The following CAMK2D variants were observed in gnomAD, a reference collection of about 807,000 sequenced individuals.
CAMK2D encodes the protein calcium/calmodulin-dependent protein kinase type II subunit delta.
Under a neutral mutation model 84.0 loss-of-function variants are expected in CAMK2D, and 37 were observed. The observed-to-expected ratio is 0.44, with a 90% CI of 0.34 to 0.58. CAMK2D has a LOEUF of 0.58. Ranked by LOEUF, CAMK2D falls within the 20% of genes least tolerant of loss-of-function variation. The pLI is 0.02. For missense variants in CAMK2D, 448 were observed against 652.5 expected (o/e 0.69, Z 3.41); for synonymous variants, 202 against 212.5 (o/e 0.95, Z 0.43).
At chr4:113,685,042 T>C (rs1160661588) in intron 2 of CAMK2D, among the ~76,000 whole-genome samples, 2 of 152,114 alleles carry the variant, frequency 1.3e-5, no homozygotes, top group African/African-American at 4.8e-5. Context: ...TCTTTGTTGA[T>C]TCTCTTTAGT....
chr4:113,615,104 G>A (rs2099015967), intron 3 of CAMK2D, among the ~76,000 whole-genome samples: 1 of 151,958 alleles, frequency 6.6e-6, no homozygotes, highest in Non-Finnish European at 1.5e-5. Flanking sequence ...TCACATACTG[G>A]GATGCAAAAA....
chr4:113,493,408 G>T (rs373675151), intron 16 of CAMK2D, among the ~76,000 whole-genome samples: 4 of 151,340 alleles, frequency 2.6e-5, no homozygotes, highest in Non-Finnish European at 4.4e-5. Context: ...ATGAAGCTTA[G>T]TTTGGCTGGA....
At chr4:113,485,388 A>G (rs17046101) in intron 16 of CAMK2D, among the ~76,000 whole-genome samples, 4,444 of 152,294 alleles carry the variant, frequency 0.029, 218 homozygotes, top group African/African-American at 0.099. Context: ...TTGCTGAAAG[A>G]GTAACTTACT....
chr4:113,604,214 C>G (rs879240679), intron 4 of CAMK2D, among the ~76,000 whole-genome samples: 1 of 152,012 alleles, frequency 6.6e-6, no homozygotes, highest in African/African-American at 2.4e-5. Flanking sequence ...GGGTAAGTGG[C>G]TCTAATTTTC....
At chr4:113,733,733 A>G (rs2099574567) in intron 2 of CAMK2D, among the ~76,000 whole-genome samples, 1 of 152,212 alleles carries the variant, frequency 6.6e-6, no homozygotes, top group Admixed American at 6.5e-5. Context: ...AGAAACATAG[A>G]CTCTGCTCAA....
At chr4:113,632,668 T>C (rs1592230945) in intron 3 of CAMK2D, among the ~76,000 whole-genome samples, 1 of 152,128 alleles carries the variant, frequency 6.6e-6, no homozygotes, top group East Asian at 1.9e-4. Context: ...GCTAATAATA[T>C]TCATATGACC....
At chr4:113,753,107 T>A (rs2099621044) in intron 2 of CAMK2D, among the ~76,000 whole-genome samples, 1 of 152,084 alleles carries the variant, frequency 6.6e-6, no homozygotes. Flanking sequence ...CTGACTCTTA[T>A]CACTTACTAA....
chr4:113,716,479 T>G (rs540073363), intron 2 of CAMK2D, among the ~76,000 whole-genome samples: 121 of 151,872 alleles, frequency 8.0e-4, no homozygotes, highest in African/African-American at 2.8e-3. Flanking sequence ...GCAAAACCCC[T>G]GTCTCTACAA....
chr4:113,686,299 T>A (rs1380254334), intron 2 of CAMK2D, among the ~76,000 whole-genome samples: 1 of 152,238 alleles, frequency 6.6e-6, no homozygotes, highest in African/African-American at 2.4e-5. Flanking sequence ...ATGGTTGTAG[T>A]AGTGTCAGTG....
chr4:113,547,575 G>T, intron 6 of CAMK2D, 69 bp downstream of exon 6: 1 of 1,005,596 alleles, frequency 9.9e-7, no homozygotes, highest in Non-Finnish European at 1.4e-6. Context: ...TGCCTTTACA[G>T]GCATAATTGC....
intron 7 of CAMK2D, among the ~76,000 whole-genome samples, chr4:113,537,034 T>G (rs560548866): frequency 9.3e-4 from 141 of 152,324 alleles, no homozygotes; most frequent in Non-Finnish European, 1.3e-3. Context: ...ATAAAAAAAG[T>G]ACTCTTTGAA....
intron 3 of CAMK2D, among the ~76,000 whole-genome samples, chr4:113,629,355 A>C (rs2099080305): frequency 6.6e-6 from 1 of 152,128 alleles, no homozygotes; most frequent in African/African-American, 2.4e-5. Context: ...AATTTTTTTA[A>C]ATACTTTTTT....
At chr4:113,597,666 C>T (rs373793142) in intron 4 of CAMK2D, among the ~76,000 whole-genome samples, 2 of 152,190 alleles carry the variant, frequency 1.3e-5, no homozygotes, top group African/African-American at 4.8e-5. Context: ...ATAGCACTTG[C>T]AATTTCCTTC....
intron 7 of CAMK2D, 111 bp downstream of exon 7, chr4:113,537,230 T>C: frequency 1.7e-6 from 1 of 580,384 alleles, no homozygotes; most frequent in South Asian, 2.6e-5. Context: ...ATTAGTCAAA[T>C]TGTTATTAGG....
chr4:113,497,886 G>T (rs944251457), intron 16 of CAMK2D, among the ~76,000 whole-genome samples: 1 of 152,218 alleles, frequency 6.6e-6, no homozygotes, highest in Non-Finnish European at 1.5e-5. Context: ...AGTATGTATG[G>T]GGGTATGCCT....
chr4:113,751,871 T>C (rs1333531027), intron 2 of CAMK2D, among the ~76,000 whole-genome samples: 5 of 152,172 alleles, frequency 3.3e-5, no homozygotes, highest in Non-Finnish European at 5.9e-5. Context: ...GCATTGCCTA[T>C]ATTTAAGAGG....
chr4:113,566,913 A>G (rs2098727347), intron 4 of CAMK2D, among the ~76,000 whole-genome samples: 1 of 152,160 alleles, frequency 6.6e-6, no homozygotes, highest in Non-Finnish European at 1.5e-5. Flanking sequence ...TCATTTACTC[A>G]TTATCCATCC....
At chr4:113,547,737 G>C in intron 5 of CAMK2D, 21 bp from the exon 6 acceptor site, 1 of 1,506,474 alleles carries the variant, frequency 6.6e-7, no homozygotes, top group African/African-American at 1.4e-5. Flanking sequence ...ACACCAGGGG[G>C]CGTGTGTTAG....
chr4:113,725,908 A>T (rs1231155903), intron 2 of CAMK2D, among the ~76,000 whole-genome samples: 1 of 152,222 alleles, frequency 6.6e-6, no homozygotes, highest in Non-Finnish European at 1.5e-5. Flanking sequence ...CCTATAAAGT[A>T]GAAATCAAAA....
Sources: allele counts gnomAD v4.1 joint callset (sites outside exome capture counted in the v4.1 genomes callset), GRCh38; gene constraint gnomAD v4.1.1; transcripts MANE v1.5; gene names NCBI Gene and HGNC (gene_info 2026-07-23, HGNC 2026-07-21).